DSCAM: variants seen among roughly 807,000 people sequenced by gnomAD.
DSCAM encodes the protein cell adhesion molecule DSCAM.
DSCAM carries 47 observed loss-of-function variants against 217.7 expected under a neutral mutation model. That is an observed-to-expected ratio of 0.22 (90% CI 0.17 to 0.28). The LOEUF (loss-of-function observed/expected upper bound fraction) is 0.28, where lower values mean the gene tolerates loss of function less well. Ranked by LOEUF, DSCAM falls within the 10% of genes least tolerant of loss-of-function variation. DSCAM has a pLI of 1.00. For synonymous variants in DSCAM, 1,056 were observed against 1,015.3 expected (o/e 1.04, Z -0.76); for missense variants, 2,080 against 2,618.3 (o/e 0.79, Z 4.49).
rs541941562 is a variant in DSCAM, at chr21:40,480,200, G to T, written c.509-110955C>A. Among the ~76,000 whole-genome samples, 14 of 152,288 alleles carry T rather than the reference G, an allele frequency of 9.2e-5. No individual in the cohort carries two copies. The South Asian group carries it at 2.7e-3, about 29-fold the overall frequency. On this transcript the variant is annotated intron_variant, in intron 3 of 32. Coordinates refer to ENST00000400454, the MANE Select transcript of DSCAM (RefSeq NM_001389.5). ...TCACAGCCCAGAGGCAGTTCCTTGT[G>T]CCCTGACTTAGGCTCCTTTTAGAAA... is the stretch of plus-strand genomic sequence containing the variant.
At chr21:40,090,319 GCTT>G (rs545848203) in intron 21 of DSCAM, among the ~76,000 whole-genome samples, 3 of 151,962 alleles carry the variant, frequency 2.0e-5, no homozygotes, top group Non-Finnish European at 4.4e-5. Context: ...CCCCCTCCCA[GCTT>G]CTTCTCTTGG....
chr21:40,754,679 C>T (rs765313750), intron 1 of DSCAM, among the ~76,000 whole-genome samples: 15 of 152,152 alleles, frequency 9.9e-5, no homozygotes, highest in Non-Finnish European at 1.9e-4. Context: ...GGAAGTGTTG[C>T]TACTGGGCAG....
chr21:40,481,172 G>A (rs993558689), intron 3 of DSCAM, among the ~76,000 whole-genome samples: 1 of 152,142 alleles, frequency 6.6e-6, no homozygotes, highest in African/African-American at 2.4e-5. Flanking sequence ...GCTCCCTGCA[G>A]CAAAAGTCAC....
chr21:40,593,110 A>T (rs1022329154), intron 3 of DSCAM, among the ~76,000 whole-genome samples: 3 of 152,200 alleles, frequency 2.0e-5, no homozygotes, highest in Admixed American at 2.0e-4. Context: ...CTGTTAACTT[A>T]AACTACACTA....
chr21:40,076,127 G>A (rs1197133290), intron 26 of DSCAM, among the ~76,000 whole-genome samples: 2 of 152,084 alleles, frequency 1.3e-5, no homozygotes, highest in African/African-American at 4.8e-5. Flanking sequence ...TCTTTATCCT[G>A]CATTTAGTAA....
intron 8 of DSCAM, among the ~76,000 whole-genome samples, chr21:40,334,262 C>T (rs1434984620): frequency 6.6e-6 from 1 of 152,082 alleles, no homozygotes; most frequent in African/African-American, 2.4e-5. Context: ...TGACAGCATC[C>T]ACTTCTTTGT....
chr21:40,202,517 G>A (rs188046425), intron 11 of DSCAM, among the ~76,000 whole-genome samples: 54 of 152,202 alleles, frequency 3.5e-4, no homozygotes, highest in Admixed American at 2.7e-3. Context: ...CAAGTCCTTC[G>A]GCCTCTCTGT....
rs1175713923 is a variant in DSCAM, at chr21:40,037,892, A to G, written c.5686+4479T>C. 6.1e-5 allele frequency among the ~76,000 whole-genome samples: 9 copies of G among 147,892 alleles called. 1 individual carries two copies. The highest frequency in any genetic ancestry group is 2.0e-4 in the African/African-American group (8 of 39,352). ...TCTACAACTATCTGATCTTTGACCA[A>G]CCTGAGAAAAACAAGCAATGGGGAA... On this transcript the variant is annotated intron_variant, in intron 32 of 32. Transcript: ENST00000400454.
chr21:40,021,380 T>A lies in DSCAM; in HGVS notation c.5687-7994A>T, dbSNP rs76186928. Among the ~76,000 whole-genome samples the A allele has an allele frequency of 1.4e-3, 209 of 152,188 alleles. 2 individuals are homozygous for A. The East Asian group carries it at 0.03, about 22-fold the overall frequency. On this transcript the variant is annotated intron_variant, in intron 32 of 32. Transcript: ENST00000400454. ...ACCAGAAAGGTGAGTACTATGAGAA[T>A]AAATGTGTACCACCCACTTTGAACG...
At chr21:40,066,550 T>A (rs551009628) in intron 27 of DSCAM, among the ~76,000 whole-genome samples, 3 of 152,356 alleles carry the variant, frequency 2.0e-5, no homozygotes, top group Admixed American at 1.3e-4. Context: ...TAATTCTTGA[T>A]CTTCTAGCAC....
chr21:40,142,677 T>G lies in DSCAM; in HGVS notation c.3287A>C (p.Gln1096Pro). Residue 1096 changes from glutamine (Q) to proline (P), a missense_variant, in exon 18 of 33, where the codon CAA (glutamine) becomes CCA (proline). By Grantham distance (76) the Gln-to-Pro change is moderately conservative. Around this residue, in one of 5 missense-constraint regions of DSCAM, gnomAD observed 1,144 missense variants for 1,421.1 expected, o/e 0.81. Transcript: ENST00000400454. ...DVPSYPPENV[Q>P]AIATSPESIS... ...GCTTTCTGGTGATGTTGCTATGGCT[T>G]GGACATTTTCGGGGGGGTAACTGGG... 1 of 1,614,180 alleles carries G rather than the reference T, an allele frequency of 6.2e-7. No homozygotes were observed. The highest frequency in any genetic ancestry group is 8.5e-7 in the Non-Finnish European group (1 of 1,180,028).
intron 27 of DSCAM, among the ~76,000 whole-genome samples, chr21:40,065,604 G>A (rs1414386997): frequency 1.3e-5 from 2 of 152,146 alleles, no homozygotes; most frequent in Admixed American, 6.5e-5. Flanking sequence ...CCACTCCACG[G>A]TTGGGGTCGG....
chr21:40,049,073 C>T (rs1364045862), intron 30 of DSCAM, among the ~76,000 whole-genome samples: 2 of 152,146 alleles, frequency 1.3e-5, no homozygotes, highest in African/African-American at 4.8e-5. Context: ...GAGACTGATG[C>T]ATGCATTTGA....
chr21:40,574,971 C>T (rs1364465664), intron 3 of DSCAM, among the ~76,000 whole-genome samples: 2 of 152,122 alleles, frequency 1.3e-5, no homozygotes, highest in Non-Finnish European at 1.5e-5. Flanking sequence ...TATTGTCAGG[C>T]CTCTGAGCCC....
chr21:40,337,733 T>A (rs1176370141), intron 8 of DSCAM, among the ~76,000 whole-genome samples: 1 of 152,222 alleles, frequency 6.6e-6, no homozygotes, highest in African/African-American at 2.4e-5. Context: ...TCCAGTGAAG[T>A]TCTAAGAGAC....
At chr21:40,589,064 T>A (rs2076965994) in intron 3 of DSCAM, among the ~76,000 whole-genome samples, 1 of 152,160 alleles carries the variant, frequency 6.6e-6, no homozygotes, top group Non-Finnish European at 1.5e-5. Flanking sequence ...CCTCTCCACT[T>A]CTCTGTCTTG....
At chr21:40,358,714 A>G (rs781422782) in intron 4 of DSCAM, among the ~76,000 whole-genome samples, 2 of 151,814 alleles carry the variant, frequency 1.3e-5, no homozygotes, top group Non-Finnish European at 2.9e-5. Context: ...AGGCAGGATA[A>G]TAGCTTGAAC....
chr21:40,627,180 A>G (rs1285587156), intron 3 of DSCAM, among the ~76,000 whole-genome samples: 1 of 152,240 alleles, frequency 6.6e-6, no homozygotes, highest in African/African-American at 2.4e-5. Context: ...AGTTGAATGA[A>G]TGGACAAATA....
intron 4 of DSCAM, among the ~76,000 whole-genome samples, chr21:40,359,569 C>T (rs1476265318): frequency 6.6e-6 from 1 of 152,130 alleles, no homozygotes; most frequent in African/African-American, 2.4e-5. Flanking sequence ...GGAAACAACC[C>T]AAATATTCAT....
Sources: gnomAD v4.1 joint callset for allele counts (sites outside exome capture counted in the v4.1 genomes callset) on GRCh38, gnomAD v4.1.1 for gene constraint, gnomAD v4.1.1 regional missense constraint, MANE v1.5 for transcripts, NCBI Gene and HGNC (gene_info 2026-07-23, HGNC 2026-07-21) for gene names.